PAX2: variants seen among roughly 807,000 people sequenced by gnomAD.
The protein encoded by PAX2 is paired box 2, also known as paired box protein Pax-2.
In PAX2, 9 loss-of-function variants were observed where a neutral mutation model predicts 41.7. That is an observed-to-expected ratio of 0.22 (90% confidence interval 0.13 to 0.38). PAX2 has a LOEUF of 0.38. Ranked by LOEUF, PAX2 falls within the 10% of genes least tolerant of loss-of-function variation. The pLI, the probability that PAX2 is intolerant of heterozygous loss-of-function variation, is 1.00. For synonymous variants in PAX2, 221 were observed against 212.7 expected, an observed-to-expected ratio of 1.04 and a Z score of -0.34; for missense variants, 418 against 531.6, an observed-to-expected ratio of 0.79 and a Z score of 2.10.
At chr10:100,795,180 A>G (rs1351022403) in intron 5 of PAX2, among the ~76,000 whole-genome samples, 2 of 152,188 alleles carry the variant, frequency 1.3e-5, no homozygotes, top group African/African-American at 2.4e-5. Flanking sequence ...GTTAACACTC[A>G]CTACTTCCAC....
intron 3 of PAX2, among the ~76,000 whole-genome samples, chr10:100,773,040 G>T (rs1846266885): frequency 1.3e-5 from 2 of 152,196 alleles, no homozygotes; most frequent in African/African-American, 4.8e-5. Flanking sequence ...TCAATTTGGT[G>T]CCTTTGGGTG....
intron 5 of PAX2, among the ~76,000 whole-genome samples, chr10:100,803,889 A>AAAAT (rs1051240320): frequency 6.6e-6 from 1 of 152,142 alleles, no homozygotes; most frequent in African/African-American, 2.4e-5. Flanking sequence ...AGTATACAAA[A>AAAAT]AAATAAATAA....
At chr10:100,763,010 T>C (rs1221916774) in intron 3 of PAX2, among the ~76,000 whole-genome samples, 1 of 152,206 alleles carries the variant, frequency 6.6e-6, no homozygotes, top group Non-Finnish European at 1.5e-5. Flanking sequence ...TAAAGGTCTT[T>C]AAACACATGA....
intron 6 of PAX2, among the ~76,000 whole-genome samples, chr10:100,808,297 C>T (rs999413602): frequency 4.6e-5 from 7 of 151,704 alleles, no homozygotes; most frequent in East Asian, 1.9e-4. Flanking sequence ...TTGGAAATGA[C>T]GAGGCAATCC....
Position 100,748,740 on chromosome 10 carries a change from C to G in PAX2, c.44-1006C>G, listed in dbSNP as rs1430550278. 3.0e-6 allele frequency: 3 copies of G among 985,386 alleles called. No homozygotes were observed. Among genetic ancestry groups the G allele is most frequent in the Non-Finnish European group, 3.6e-6 (3 of 829,970 alleles). The allele number at this position is 985,386 out of a possible 1,614,324, so 61.0% of individuals were successfully genotyped here. A position where few individuals can be genotyped will look rare whatever the true frequency, so the allele number is the denominator to read the frequency against. ...GGAGCCGGGTTGGAAACCCCGTGCC[C>G]TTCTCTTGGCCGAAAGAGCAAAAGC... On this transcript the variant is annotated intron_variant, in intron 1 of 9. Coordinates refer to ENST00000355243, the MANE Select transcript of PAX2 (RefSeq NM_000278.5). The surrounding 1 kb of genome is among the most constrained non-coding windows in gnomAD (Gnocchi z 5.0).
At chr10:100,810,652 C>T (rs1301307369) in intron 7 of PAX2, among the ~76,000 whole-genome samples, 1 of 152,246 alleles carries the variant, frequency 6.6e-6, no homozygotes, top group Non-Finnish European at 1.5e-5. Flanking sequence ...ACAGTGGTCA[C>T]TTCCCAAAGA....
intron 5 of PAX2, among the ~76,000 whole-genome samples, chr10:100,798,152 G>T (rs1031504028): frequency 8.2e-6 from 1 of 122,200 alleles, no homozygotes; most frequent in Non-Finnish European, 1.6e-5. Flanking sequence ...GTCTCACTCT[G>T]TCTCCCAGGC....
chr10:100,828,263 G>A lies in PAX2; in HGVS notation c.*644G>A. 1 of 232,934 alleles carries A rather than the reference G, an allele frequency of 4.3e-6. No individual in the cohort carries two copies. The highest frequency in any genetic ancestry group is 8.5e-6 in the Non-Finnish European group (1 of 117,904). The allele number at this position is 232,934 out of a possible 1,614,324, so 14.4% of individuals were successfully genotyped here. A position where few individuals can be genotyped will look rare whatever the true frequency, so the allele number is the denominator to read the frequency against. On this transcript the variant is annotated 3_prime_UTR_variant, in exon 10 of 10. Coordinates refer to ENST00000355243, the MANE Select transcript of PAX2 (RefSeq NM_000278.5). This position sits in a 1 kb window ranked among gnomAD's most constrained non-coding sequence, Gnocchi z 6.5. ...TGGGGGTGTGGGGGTCCGGCTCTAG[G>A]AACGGGCTTTGGGGGCGTCAGGTCT...
chr10:100,773,447 C>G (rs1458400005), intron 3 of PAX2, among the ~76,000 whole-genome samples: 39 of 152,026 alleles, frequency 2.6e-4, no homozygotes, highest in Admixed American at 2.6e-3. Flanking sequence ...TTTTTGCACA[C>G]CATGTATTAT....
At position 100,822,183 on chromosome 10, in the gene PAX2, G is replaced by C. The variant is rs144138584; in HGVS notation, c.920-2465G>C. On this transcript the variant is annotated intron_variant, in intron 7 of 9. Transcript: ENST00000355243. ...GCAGTTCTACTCTGCTTGTTCTCGAGTTTTAGGAAATGAAAGATATTGGCT... is the reference window on the plus strand; with the variant it reads ...GCAGTTCTACTCTGCTTGTTCTCGACTTTTAGGAAATGAAAGATATTGGCT... 4.9e-3 allele frequency among the ~76,000 whole-genome samples: 752 copies of C among 152,164 alleles called. 5 individuals carry two copies. Among genetic ancestry groups the C allele is most frequent in the African/African-American group, 0.017 (715 of 41,498 alleles).
At chr10:100,784,756 C>A (rs1226450229) in intron 5 of PAX2, among the ~76,000 whole-genome samples, 1 of 152,204 alleles carries the variant, frequency 6.6e-6, no homozygotes, top group Admixed American at 6.5e-5. Context: ...CTGCAGCAAT[C>A]ATTTCCCTGG....
intron 3 of PAX2, among the ~76,000 whole-genome samples, chr10:100,775,583 G>A (rs997477605): frequency 1.3e-5 from 2 of 152,162 alleles, no homozygotes; most frequent in African/African-American, 4.8e-5. Flanking sequence ...CTAAATTTGC[G>A]CCAGTGCCCT....
At chr10:100,819,191 T>TGAGTGGAGATTGCACC (rs1848291736) in intron 7 of PAX2, among the ~76,000 whole-genome samples, 2 of 150,032 alleles carry the variant, frequency 1.3e-5, no homozygotes, top group African/African-American at 4.9e-5. Context: ...GAGGTTGCAG[T>TGAGTGGAGATTGCACC]GAGTGGAGAT....
chr10:100,802,606 C>T (rs1173466662), intron 5 of PAX2, among the ~76,000 whole-genome samples: 1 of 152,228 alleles, frequency 6.6e-6, no homozygotes, highest in Non-Finnish European at 1.5e-5. Flanking sequence ...CCAAAACCTT[C>T]TGCCAGAGGT....
At chr10:100,810,765 G>C (rs919702767) in intron 7 of PAX2, among the ~76,000 whole-genome samples, 1 of 152,202 alleles carries the variant, frequency 6.6e-6, no homozygotes, top group African/African-American at 2.4e-5. Flanking sequence ...GCTTCCTAGG[G>C]TGGAGCTATG....
In PAX2 at chr10:100,748,914, C is replaced by A; in HGVS notation, c.44-832C>A. On this transcript the variant is annotated intron_variant, in intron 1 of 9. Transcript: ENST00000355243. The surrounding 1 kb of genome is among the most constrained non-coding windows in gnomAD (Gnocchi z 5.0). The stretch of plus-strand genomic sequence containing the variant: ...GTGCCACCTGGGCGAGACGGTGGGC[C>A]CCAACCAGGCTCTGCGAGGCGCGGC... The A allele has an allele frequency of 1.0e-6, 1 of 985,346 alleles. No homozygotes were observed. The highest frequency in any genetic ancestry group is 1.2e-6 in the Non-Finnish European group (1 of 829,918). 61.0% of individuals were successfully genotyped at this position (985,346 alleles called of 1,614,324 possible). A position where few individuals can be genotyped will look rare whatever the true frequency, so the allele number is the denominator to read the frequency against.
intron 7 of PAX2, among the ~76,000 whole-genome samples, chr10:100,815,307 C>T (rs777940474): frequency 1.1e-4 from 17 of 152,116 alleles, no homozygotes; most frequent in Non-Finnish European, 2.4e-4. Flanking sequence ...AGCTCAAAGC[C>T]CCTGATTAGC....
rs552160438 is a variant in PAX2 at position 100,748,790 on chromosome 10, G to T, written c.44-956G>T. The T allele has an allele frequency of 1.5e-4, 148 of 985,406 alleles. 1 individual carries two copies. The Admixed American group carries it at 8.8e-3, about 59-fold the overall frequency. The allele number at this position is 985,406 out of a possible 1,614,324, so 61.0% of individuals were successfully genotyped here. A position where few individuals can be genotyped will look rare whatever the true frequency, so the allele number is the denominator to read the frequency against. ...CCCGAGCCGCTCGGTTTCCTGGGGG[G>T]GCTGCCGAGGTCTGAGGGGTCAAAG... On this transcript the variant is annotated intron_variant, in intron 1 of 9. Transcript: ENST00000355243. The surrounding 1 kb of genome is among the most constrained non-coding windows in gnomAD (Gnocchi z 5.0).
chr10:100,747,517 T>C, intron 1 of PAX2: 5 of 552,366 alleles, frequency 9.1e-6, no homozygotes, highest in Non-Finnish European at 1.1e-5. Context: ...AATAGAAAAC[T>C]CCTCCCTATC....
Sources: allele counts gnomAD v4.1 joint callset (sites outside exome capture counted in the v4.1 genomes callset), GRCh38; gene constraint gnomAD v4.1.1; non-coding constraint Gnocchi (gnomAD v3.1); transcripts MANE v1.5; gene names NCBI Gene and HGNC (gene_info 2026-07-23, HGNC 2026-07-21).